Variants in SINHCAF observed in about 807,000 individuals in gnomAD.
The protein encoded by SINHCAF is SIN3-HDAC complex associated factor.
SINHCAF carries 3 observed loss-of-function variants against 25.8 expected under a neutral mutation model. The ratio of observed to expected loss-of-function variants is 0.12; its 90% CI spans 0.05 to 0.30. The LOEUF (loss-of-function observed/expected upper bound fraction) is 0.30, where lower values mean the gene tolerates loss of function less well. SINHCAF is among the 10% of genes least tolerant of loss of function. The pLI, the probability that SINHCAF is intolerant of heterozygous loss-of-function variation, is 1.00. For missense variants in SINHCAF, 121 were observed against 262.3 expected (o/e 0.46, Z 3.72); for synonymous variants, 70 against 85.5 (o/e 0.82, Z 1.00).
At chr12:31,311,745 A>G (rs1397316781) in intron 1 of SINHCAF, 5 of 513,024 alleles carry the variant, frequency 9.7e-6, no homozygotes, top group African/African-American at 3.9e-5. Flanking sequence ...TTATCACTCC[A>G]TACTTGAACA....
At chr12:31,310,657 C>A (rs1405529820) in intron 1 of SINHCAF, among the ~76,000 whole-genome samples, 1 of 152,174 alleles carries the variant, frequency 6.6e-6, no homozygotes, top group African/African-American at 2.4e-5. Flanking sequence ...TTCTGGCCAT[C>A]ACCTAGTCAG....
chr12:31,283,506 G>A (rs750172889), intron 5 of SINHCAF, among the ~76,000 whole-genome samples: 1 of 152,022 alleles, frequency 6.6e-6, no homozygotes, highest in Non-Finnish European at 1.5e-5. Flanking sequence ...GGGAGACTGA[G>A]GCAGTAGAAT....
intron 1 of SINHCAF, among the ~76,000 whole-genome samples, chr12:31,301,628 G>C (rs17421687): frequency 6.6e-6 from 1 of 151,976 alleles, no homozygotes; most frequent in Non-Finnish European, 1.5e-5. Context: ...GTTTCATTTC[G>C]GGCTTTGTTT....
intron 3 of SINHCAF, 135 bp downstream of exon 3, chr12:31,295,099 C>T (rs905325442): frequency 4.9e-6 from 3 of 616,868 alleles, no homozygotes; most frequent in African/African-American, 1.9e-5. Context: ...TATATCTGAA[C>T]AGCAGCTAGT....
intron 1 of SINHCAF, among the ~76,000 whole-genome samples, chr12:31,322,478 A>C (rs1030690739): frequency 1.3e-5 from 2 of 152,232 alleles, no homozygotes; most frequent in East Asian, 1.9e-4. Flanking sequence ...TTTCTATTTA[A>C]TACAGAAATG....
intron 4 of SINHCAF, among the ~76,000 whole-genome samples, chr12:31,293,274 A>G (rs1938408307): frequency 6.6e-6 from 1 of 152,308 alleles, no homozygotes; most frequent in African/African-American, 2.4e-5. Flanking sequence ...AAAACTTCCA[A>G]TAATAGCATG....
chr12:31,302,124 G>C (rs75162284), intron 1 of SINHCAF, among the ~76,000 whole-genome samples: 2,181 of 152,258 alleles, frequency 0.014, 25 homozygotes, highest in Non-Finnish European at 0.018. Context: ...TTACAGCTGA[G>C]AACAGACCCC....
intron 4 of SINHCAF, 96 bp from the exon 5 acceptor site, chr12:31,287,880 A>G (rs1324470067): frequency 3.1e-5 from 16 of 509,266 alleles, no homozygotes; most frequent in Non-Finnish European, 5.3e-5. Flanking sequence ...AGAGTTGGTA[A>G]AAAAGAAAAA....
Position 31,324,428 on chromosome 12 carries a change from C to T in SINHCAF, c.-21+1596G>A, listed in dbSNP as rs1939861303. On this transcript the variant is annotated intron_variant, in intron 1 of 5. Coordinates refer to ENST00000337682, the MANE Select transcript of SINHCAF (RefSeq NM_001135812.2). This position sits in a 1 kb window ranked among gnomAD's most constrained non-coding sequence, Gnocchi z 5.5. ...CTGAAGCGCCGGGCACTGCCGCCTC[C>T]CTCGGTCGCCCGCCCGCACGCCCGG... The T allele has an allele frequency of 6.3e-6, 1 of 159,196 alleles. No individual in the cohort carries two copies. The highest frequency in any genetic ancestry group is 1.4e-5 in the Non-Finnish European group (1 of 73,772). The allele number at this position is 159,196 out of a possible 1,614,324, so 9.9% of individuals were successfully genotyped here. A position where few individuals can be genotyped will look rare whatever the true frequency, so the allele number is the denominator to read the frequency against.
At chr12:31,282,946 T>C in intron 5 of SINHCAF, 75 bp from the exon 6 acceptor site, 1 of 1,120,984 alleles carries the variant, frequency 8.9e-7, no homozygotes, top group Non-Finnish European at 1.3e-6. Flanking sequence ...CTACTCACTA[T>C]TATAACTAGT....
chr12:31,302,447 G>A (rs926158979), intron 1 of SINHCAF, among the ~76,000 whole-genome samples: 1 of 149,810 alleles, frequency 6.7e-6, no homozygotes, highest in African/African-American at 2.5e-5. Context: ...TATCATCTTT[G>A]TAAACTCATC....
intron 1 of SINHCAF, among the ~76,000 whole-genome samples, chr12:31,308,899 G>A (rs1054597264): frequency 6.6e-6 from 1 of 151,850 alleles, no homozygotes; most frequent in African/African-American, 2.4e-5. Context: ...AGGCTGAGGC[G>A]GGTGGATCAC....
In SINHCAF at chr12:31,282,864, T is replaced by G; in HGVS notation, c.514A>C (p.Ile172Leu). 1 of 1,590,500 alleles carries G rather than the reference T, an allele frequency of 6.3e-7. No homozygotes were observed. The highest frequency in any genetic ancestry group is 8.5e-7 in the Non-Finnish European group (1 of 1,173,098). The part of the protein sequence containing the change: ...LDLTYWKRQK[I>L]CCGIIYKGRF... ...CCTTTATAGATGATCCCACAACATA[T>G]CTTCTGTCTAAAAGAAAAAATGGAG... Residue 172 changes from isoleucine to leucine, a missense_variant, in exon 6 of 6, where the codon ATA becomes CTA. By Grantham distance (5) the Ile-to-Leu change is conservative (BLOSUM62 2). Coordinates refer to ENST00000337682, the MANE Select transcript of SINHCAF (RefSeq NM_001135812.2).
Position 31,306,508 on chromosome 12 carries a change from C to A in SINHCAF, c.-20-8284G>T, listed in dbSNP as rs748584154. Among the ~76,000 whole-genome samples, 13 of 152,288 alleles carry A rather than the reference C, an allele frequency of 8.5e-5. No individual in the cohort carries two copies. In the East Asian group the frequency reaches 9.6e-4, roughly 11 times the overall value. Reference sequence around the variant, plus strand: ...TCAGTTTGCGGGAAAAGTACCCCCCCCTTTTGTTTCCAGGTAGATCTTTCT... The same window carrying A: ...TCAGTTTGCGGGAAAAGTACCCCCCACTTTTGTTTCCAGGTAGATCTTTCT... On this transcript the variant is annotated intron_variant, in intron 1 of 5. Coordinates refer to ENST00000337682, the MANE Select transcript of SINHCAF (RefSeq NM_001135812.2).
chr12:31,325,259 G>A lies in SINHCAF; in HGVS notation c.-21+765C>T, dbSNP rs1316526721. On this transcript the variant is annotated intron_variant, in intron 1 of 5. Coordinates refer to ENST00000337682, the MANE Select transcript of SINHCAF (RefSeq NM_001135812.2). The surrounding 1 kb of genome is among the most constrained non-coding windows in gnomAD (Gnocchi z 5.9). ...AAACTTCGGGCTCCGAAAGCACCCC[G>A]GACACCAGAGGCTCTTGGGCGCGGT... 1 of 456,626 alleles carries A rather than the reference G, an allele frequency of 2.2e-6. No homozygotes were observed. Among genetic ancestry groups the A allele is most frequent in the East Asian group, 6.9e-5 (1 of 14,408 alleles). The allele number at this position is 456,626 out of a possible 1,614,324, so 28.3% of individuals were successfully genotyped here. A position where few individuals can be genotyped will look rare whatever the true frequency, so the allele number is the denominator to read the frequency against.
intron 4 of SINHCAF, among the ~76,000 whole-genome samples, chr12:31,288,963 A>C (rs1254587518): frequency 6.6e-6 from 1 of 152,232 alleles, no homozygotes; most frequent in Non-Finnish European, 1.5e-5. Flanking sequence ...AGTAAAAATA[A>C]GATAGAAAAC....
intron 4 of SINHCAF, among the ~76,000 whole-genome samples, chr12:31,288,778 C>T (rs1451513238): frequency 2.0e-5 from 3 of 152,086 alleles, no homozygotes; most frequent in Non-Finnish European, 2.9e-5. Flanking sequence ...TTACATCAGT[C>T]CAAGAATCAG....
chr12:31,290,109 T>G (rs1565490483), intron 4 of SINHCAF, among the ~76,000 whole-genome samples: 1 of 152,114 alleles, frequency 6.6e-6, no homozygotes, highest in Non-Finnish European at 1.5e-5. Flanking sequence ...ATTACAGGCA[T>G]GGTCACACCT....
intron 5 of SINHCAF, among the ~76,000 whole-genome samples, chr12:31,284,728 C>T (rs1465304949): frequency 2.6e-5 from 4 of 152,118 alleles, no homozygotes; most frequent in Admixed American, 2.0e-4. Context: ...ACCAATCACC[C>T]CCACATCATG....
Sources: gnomAD v4.1 joint callset for allele counts (sites outside exome capture counted in the v4.1 genomes callset) on GRCh38, gnomAD v4.1.1 for gene constraint, Gnocchi (gnomAD v3.1) non-coding constraint, MANE v1.5 for transcripts, NCBI Gene and HGNC (gene_info 2026-07-23, HGNC 2026-07-21) for gene names.